Variants in SGCZ observed in about 807,000 individuals in gnomAD.
SGCZ encodes the protein sarcoglycan zeta, also known as zeta-sarcoglycan.
In SGCZ, 40 loss-of-function variants were observed where a neutral mutation model predicts 41.3. The observed-to-expected ratio is 0.97, with a 90% CI of 0.75 to 1.26. The LOEUF is 1.26. Ranked by LOEUF, SGCZ falls within the 50% of genes most tolerant of loss-of-function variation. SGCZ has a pLI of 0.00. For missense variants in SGCZ, 552 were observed against 369.8 expected, an observed-to-expected ratio of 1.49 and a Z score of -4.04; for synonymous variants, 206 against 137.5, an observed-to-expected ratio of 1.50 and a Z score of -3.49.
At chr8:14,501,481 T>TA (rs1802152161) in intron 2 of SGCZ, among the ~76,000 whole-genome samples, 1 of 152,084 alleles carries the variant, frequency 6.6e-6, no homozygotes, top group Admixed American at 6.6e-5. Context: ...ACATATACCA[T>TA]ATAAATGTAT....
chr8:15,171,991 T>G (rs964621231), intron 1 of SGCZ, among the ~76,000 whole-genome samples: 1 of 152,102 alleles, frequency 6.6e-6, no homozygotes. Flanking sequence ...CCTTCAACAT[T>G]ATTTGTGCCA....
At chr8:14,328,290 C>T (rs932240914) in intron 2 of SGCZ, among the ~76,000 whole-genome samples, 17 of 152,144 alleles carry the variant, frequency 1.1e-4, no homozygotes, top group Admixed American at 8.5e-4. Context: ...CTGATCCCTT[C>T]ATTATCTGAA....
chr8:14,928,934 G>A (rs1799844751), intron 1 of SGCZ, among the ~76,000 whole-genome samples: 1 of 151,934 alleles, frequency 6.6e-6, no homozygotes, highest in African/African-American at 2.4e-5. Flanking sequence ...TTATTTGACA[G>A]GAGCTTGATG....
intron 1 of SGCZ, among the ~76,000 whole-genome samples, chr8:14,743,394 TA>T (rs1799250876): frequency 1.3e-5 from 2 of 152,138 alleles, no homozygotes; most frequent in African/African-American, 4.8e-5. Context: ...TTTTAAATAT[TA>T]AATCACTAAT....
chr8:14,782,660 G>T (rs1336970136), intron 1 of SGCZ, among the ~76,000 whole-genome samples: 5 of 141,728 alleles, frequency 3.5e-5, no homozygotes, highest in Non-Finnish European at 3.3e-5. Flanking sequence ...AAGGGTTTTA[G>T]ATGAATTATT....
chr8:14,452,487 A>AAAT (rs924835957), intron 2 of SGCZ, among the ~76,000 whole-genome samples: 22 of 152,024 alleles, frequency 1.4e-4, no homozygotes, highest in South Asian at 1.2e-3. Context: ...GATCTCAAAA[A>AAAT]AATAATAATA....
intron 1 of SGCZ, among the ~76,000 whole-genome samples, chr8:14,928,113 GT>G (rs1324793401): frequency 6.6e-6 from 1 of 152,148 alleles, no homozygotes; most frequent in African/African-American, 2.4e-5. Flanking sequence ...CATCCATGCT[GT>G]GTGAAAATAT....
At chr8:14,474,842 G>A (rs1267486648) in intron 2 of SGCZ, among the ~76,000 whole-genome samples, 1 of 152,038 alleles carries the variant, frequency 6.6e-6, no homozygotes, top group Non-Finnish European at 1.5e-5. Flanking sequence ...TAAAGTCACA[G>A]ACAGCTTTAA....
chr8:14,741,519 A>C (rs2130280499), intron 1 of SGCZ, among the ~76,000 whole-genome samples: 1 of 152,216 alleles, frequency 6.6e-6, no homozygotes, highest in South Asian at 2.1e-4. Context: ...TCCATAATAT[A>C]ACATTTATGG....
intron 2 of SGCZ, among the ~76,000 whole-genome samples, chr8:14,470,301 T>C (rs1801178301): frequency 6.6e-6 from 1 of 152,192 alleles, no homozygotes; most frequent in Admixed American, 6.5e-5. Context: ...CTTTGTTTTC[T>C]CCTCACTCTT....
intron 5 of SGCZ, among the ~76,000 whole-genome samples, chr8:14,149,834 G>A (rs1803644155): frequency 6.6e-6 from 1 of 151,974 alleles, no homozygotes; most frequent in East Asian, 1.9e-4. Flanking sequence ...CAGACACATA[G>A]ACAAATAAAA....
intron 1 of SGCZ, among the ~76,000 whole-genome samples, chr8:14,592,151 G>T (rs1022648159): frequency 6.6e-6 from 1 of 151,974 alleles, no homozygotes; most frequent in African/African-American, 2.4e-5. Flanking sequence ...TAAATCAGTT[G>T]TTTTTCATTT....
chr8:15,119,116 A>G (rs1807382693), intron 1 of SGCZ, among the ~76,000 whole-genome samples: 1 of 152,214 alleles, frequency 6.6e-6, no homozygotes, highest in South Asian at 2.1e-4. Flanking sequence ...TATCCTTTTA[A>G]GGGTGTAATG....
intron 1 of SGCZ, among the ~76,000 whole-genome samples, chr8:14,751,661 G>A (rs1461663204): frequency 6.6e-6 from 1 of 152,072 alleles, no homozygotes; most frequent in African/African-American, 2.4e-5. Context: ...AAACCTGAGA[G>A]GATTTGCCTC....
intron 2 of SGCZ, among the ~76,000 whole-genome samples, chr8:14,490,545 GTC>G (rs570106794): frequency 1.3e-5 from 2 of 152,016 alleles, no homozygotes; most frequent in Admixed American, 6.6e-5. Flanking sequence ...TTTGTCTCTC[GTC>G]TCTCTCTGTT....
chr8:15,152,074 T>A (rs1244314012), intron 1 of SGCZ, among the ~76,000 whole-genome samples: 1 of 152,212 alleles, frequency 6.6e-6, no homozygotes, highest in African/African-American at 2.4e-5. Flanking sequence ...ATTATTACTT[T>A]AATTTCCTTT....
At chr8:15,007,367 T>C (rs1458673251) in intron 1 of SGCZ, among the ~76,000 whole-genome samples, 4 of 152,316 alleles carry the variant, frequency 2.6e-5, no homozygotes, top group South Asian at 2.1e-4. Flanking sequence ...ATCAAAAATA[T>C]CTTGCAATTT....
intron 1 of SGCZ, among the ~76,000 whole-genome samples, chr8:14,667,761 A>G (rs1328170499): frequency 6.6e-6 from 1 of 152,220 alleles, no homozygotes; most frequent in African/African-American, 2.4e-5. Flanking sequence ...TGAATAAAAC[A>G]TGGTCTCCGT....
intron 2 of SGCZ, among the ~76,000 whole-genome samples, chr8:14,409,911 A>T (rs1466599415): frequency 6.6e-6 from 1 of 152,128 alleles, no homozygotes; most frequent in African/African-American, 2.4e-5. Flanking sequence ...GGAGGTAAAA[A>T]TGTCTTTGAA....
Sources: allele counts gnomAD v4.1 joint callset (sites outside exome capture counted in the v4.1 genomes callset), GRCh38; gene constraint gnomAD v4.1.1; transcripts MANE v1.5; gene names NCBI Gene and HGNC (gene_info 2026-07-23, HGNC 2026-07-21).